The following FOXP2 variants were observed in gnomAD, a reference collection of about 807,000 sequenced individuals.
FOXP2 encodes forkhead box P2, also known as forkhead box protein P2.
In FOXP2, 12 loss-of-function variants were observed where a neutral mutation model predicts 115.8. That is an observed-to-expected ratio of 0.10 (90% confidence interval 0.07 to 0.17). The LOEUF is 0.17. Among genes scored for constraint, FOXP2 ranks in the 10% least tolerant of loss-of-function variants. FOXP2 has a pLI of 1.00. For missense variants in FOXP2, 629 were observed against 843.5 expected (o/e 0.75, Z 3.15); for synonymous variants, 328 against 297.7 (o/e 1.10, Z -1.05).
intron 1 of FOXP2, among the ~76,000 whole-genome samples, chr7:114,235,066 G>A (rs2129166518): frequency 6.6e-6 from 1 of 151,606 alleles, no homozygotes; most frequent in Non-Finnish European, 1.5e-5. Context: ...AATGACGGGT[G>A]AGAAAGTATC....
chr7:114,374,081 T>A (rs974687885), intron 2 of FOXP2, among the ~76,000 whole-genome samples: 2 of 152,224 alleles, frequency 1.3e-5, no homozygotes, highest in Non-Finnish European at 2.9e-5. Flanking sequence ...TGACGTTTCA[T>A]AGCCTTCAAC....
intron 2 of FOXP2, among the ~76,000 whole-genome samples, chr7:114,510,798 C>T (rs1475362506): frequency 3.3e-5 from 5 of 152,232 alleles, no homozygotes; most frequent in Middle Eastern, 6.8e-3. Context: ...GACAGTGTGG[C>T]GATTCCCCAA....
chr7:114,119,578 G>C (rs114816409), intron 1 of FOXP2, among the ~76,000 whole-genome samples: 257 of 152,104 alleles, frequency 1.7e-3, no homozygotes, highest in African/African-American at 5.9e-3. Context: ...GGGCAAGGTA[G>C]TATGTACCTG....
At chr7:114,628,018 C>G (rs1464483500) in intron 3 of FOXP2, among the ~76,000 whole-genome samples, 1 of 151,846 alleles carries the variant, frequency 6.6e-6, no homozygotes, top group Non-Finnish European at 1.5e-5. Flanking sequence ...TTTTCTAGTA[C>G]TTTATCATGT....
intron 2 of FOXP2, among the ~76,000 whole-genome samples, chr7:114,427,088 A>G (rs144060179): frequency 6.6e-6 from 1 of 151,734 alleles, no homozygotes; most frequent in East Asian, 1.9e-4. Flanking sequence ...AAAGGACCAC[A>G]AGGACTTTTC....
chr7:114,208,429 G>C (rs1794255475), intron 1 of FOXP2, among the ~76,000 whole-genome samples: 1 of 152,122 alleles, frequency 6.6e-6, no homozygotes, highest in Non-Finnish European at 1.5e-5. Context: ...AGGCTTATAG[G>C]GGGAAGGGAC....
At chr7:114,133,377 C>G (rs1254169951) in intron 1 of FOXP2, among the ~76,000 whole-genome samples, 6 of 152,038 alleles carry the variant, frequency 3.9e-5, no homozygotes, top group Admixed American at 2.6e-4. Flanking sequence ...ATATAAGAAT[C>G]TAGAATTTTG....
intron 3 of FOXP2, among the ~76,000 whole-genome samples, chr7:114,585,295 T>C (rs1275187928): frequency 6.6e-6 from 1 of 152,190 alleles, no homozygotes; most frequent in Non-Finnish European, 1.5e-5. Context: ...TACAAATTTA[T>C]GATTTTTGGT....
At chr7:114,390,898 T>G (rs905139510) in intron 2 of FOXP2, among the ~76,000 whole-genome samples, 3 of 152,078 alleles carry the variant, frequency 2.0e-5, no homozygotes, top group African/African-American at 7.2e-5. Flanking sequence ...TTAAAAAATC[T>G]GACTTCTTGG....
chr7:114,182,872 T>A (rs1391706453), intron 1 of FOXP2, among the ~76,000 whole-genome samples: 1 of 152,084 alleles, frequency 6.6e-6, no homozygotes, highest in Admixed American at 6.6e-5. Flanking sequence ...TAGGCCATCG[T>A]TGGCACTAAA....
chr7:114,430,486 C>T, intron 2 of FOXP2, among the ~76,000 whole-genome samples: 1 of 151,814 alleles, frequency 6.6e-6, no homozygotes, highest in East Asian at 1.9e-4. Flanking sequence ...GATGATATGT[C>T]AGTTATTACA....
intron 2 of FOXP2, among the ~76,000 whole-genome samples, chr7:114,329,740 G>A (rs570171724): frequency 1.2e-4 from 18 of 150,378 alleles, no homozygotes; most frequent in African/African-American, 2.2e-4. Context: ...GCAGTGGCGC[G>A]AAACCAGCTC....
chr7:114,304,186 T>C (rs1796946061), intron 2 of FOXP2, among the ~76,000 whole-genome samples: 1 of 152,086 alleles, frequency 6.6e-6, no homozygotes, highest in Non-Finnish European at 1.5e-5. Flanking sequence ...ATAAACACTC[T>C]AGCTTCTAAA....
chr7:114,629,755 A>G (rs768237546), intron 4 of FOXP2, 50 bp from the exon 5 acceptor site: 1 of 1,612,576 alleles, frequency 6.2e-7, no homozygotes, highest in Non-Finnish European at 8.5e-7. Flanking sequence ...GAGATTTATA[A>G]TACGTGAAAC....
chr7:114,289,691 A>T lies in FOXP2; in HGVS notation c.-11+1582A>T, dbSNP rs112375368. Reference sequence around the variant, plus strand: ...CTAGAAGAGAATATAATTGCACTTGAAGTTAGTCCTCAAACTGATTTTGGA... The same window carrying T: ...CTAGAAGAGAATATAATTGCACTTGTAGTTAGTCCTCAAACTGATTTTGGA... On this transcript the variant is annotated intron_variant, in intron 2 of 17. Transcript: ENST00000634411. 6.2e-3 allele frequency among the ~76,000 whole-genome samples: 946 copies of T among 151,998 alleles called. 5 individuals carry two copies. Among genetic ancestry groups the T allele is most frequent in the Non-Finnish European group, 0.01 (679 of 67,832 alleles).
chr7:114,575,536 A>T (rs1480167153), intron 3 of FOXP2, among the ~76,000 whole-genome samples: 2 of 151,914 alleles, frequency 1.3e-5, no homozygotes, highest in Non-Finnish European at 2.9e-5. Flanking sequence ...CACACAAAAA[A>T]TAGTGTTCTC....
At chr7:114,240,145 T>A (rs1171123198) in intron 1 of FOXP2, among the ~76,000 whole-genome samples, 1 of 152,198 alleles carries the variant, frequency 6.6e-6, no homozygotes, top group Non-Finnish European at 1.5e-5. Context: ...AAAGATGTTA[T>A]TGTCTTCCTT....
intron 3 of FOXP2, among the ~76,000 whole-genome samples, chr7:114,546,196 T>G (rs896932745): frequency 6.6e-6 from 1 of 152,166 alleles, no homozygotes. Flanking sequence ...CAAAGTGAAG[T>G]TATTTGTTTT....
intron 2 of FOXP2, among the ~76,000 whole-genome samples, chr7:114,430,029 G>A (rs1032485570): frequency 6.6e-6 from 1 of 151,626 alleles, no homozygotes; most frequent in Admixed American, 6.6e-5. Flanking sequence ...GCTAACTCCA[G>A]CATTTAAGTC....
Sources: allele counts gnomAD v4.1 joint callset (sites outside exome capture counted in the v4.1 genomes callset), GRCh38; gene constraint gnomAD v4.1.1; transcripts MANE v1.5; gene names NCBI Gene and HGNC (gene_info 2026-07-23, HGNC 2026-07-21).